Variants in GATA3 observed in about 807,000 individuals in gnomAD.
GATA3 encodes the protein trans-acting T-cell-specific transcription factor GATA-3.
In GATA3, 6 loss-of-function variants were observed where a neutral mutation model predicts 36.0. The observed-to-expected ratio is 0.17, with a 90% CI of 0.09 to 0.33. The LOEUF (loss-of-function observed/expected upper bound fraction) is 0.33, where lower values mean the gene tolerates loss of function less well. GATA3 is among the 10% of genes least tolerant of loss of function. The pLI is 1.00. For missense variants in GATA3, 514 were observed against 610.1 expected, an observed-to-expected ratio of 0.84 and a Z score of 1.66; for synonymous variants, 326 against 273.0, an observed-to-expected ratio of 1.19 and a Z score of -1.92.
At chr10:8,046,163 G>C (rs1832384469) in intron 1 of GATA3, among the ~76,000 whole-genome samples, 1 of 152,212 alleles carries the variant, frequency 6.6e-6, no homozygotes, top group South Asian at 2.1e-4. Context: ...GAGAGGACAA[G>C]ATTTGGACTT....
intron 3 of GATA3, among the ~76,000 whole-genome samples, chr10:8,060,570 A>G (rs1832731186): frequency 6.6e-6 from 1 of 150,454 alleles, no homozygotes; most frequent in South Asian, 2.1e-4. Context: ...TGGTAAGGCT[A>G]TGAGGTTGGG....
At chr10:8,070,334 G>T (rs920680721) in intron 5 of GATA3, among the ~76,000 whole-genome samples, 6 of 151,418 alleles carry the variant, frequency 4.0e-5, no homozygotes, top group African/African-American at 1.5e-4. Flanking sequence ...TTCCATTTGG[G>T]GTCCTCTCAT....
chr10:8,056,005 C>A (rs1204561072), intron 2 of GATA3, 109 bp downstream of exon 2: 35 of 1,408,342 alleles, frequency 2.5e-5, no homozygotes, highest in Non-Finnish European at 3.2e-5. Context: ...AAGCCCCCAT[C>A]TGCCGTTCCT....
intron 3 of GATA3, among the ~76,000 whole-genome samples, chr10:8,062,574 T>C (rs1011835802): frequency 2.0e-5 from 3 of 152,188 alleles, no homozygotes; most frequent in African/African-American, 2.4e-5. Context: ...GTCCCATATC[T>C]GCCAAGGCAG....
intron 4 of GATA3, among the ~76,000 whole-genome samples, chr10:8,065,881 AAAGGCT>A (rs1832831134): frequency 6.7e-6 from 1 of 149,324 alleles, no homozygotes; most frequent in Admixed American, 6.7e-5. Flanking sequence ...AAAAAAAAAA[AAAGGCT>A]AGAGGTGTTA....
At chr10:8,058,986 G>A in intron 3 of GATA3, 145 bp downstream of exon 3, 2 of 759,210 alleles carry the variant, frequency 2.6e-6, no homozygotes, top group Non-Finnish European at 4.2e-6. Flanking sequence ...TTCCTGCCGG[G>A]AAGGCACTGC....
chr10:8,069,580 C>T lies in GATA3; in HGVS notation c.1032C>T (p.Leu344=), dbSNP rs104886017. 5.0e-6 allele frequency: 8 copies of T among 1,614,018 alleles called. No homozygotes were observed. The highest frequency in any genetic ancestry group is 1.3e-5 in the African/African-American group (1 of 74,916). The change falls in exon 5 of 6, where the codon CTC becomes CTT. Residue 344 remains leucine, a synonymous_variant. Transcript: ENST00000379328. ...ACCCTGTCTGCAATGCCTGTGGGCT[C>T]TACTACAAGCTTCACAATGTAAGTG... ...NGDPVCNACG[L]YYKLHNINRP...
rs759751638 is a variant in GATA3 at position 8,073,883 on chromosome 10, A to G, written c.1195A>G (p.Arg399Gly). 1 of 1,614,088 alleles carries G rather than the reference A, an allele frequency of 6.2e-7. No homozygotes were observed. Among genetic ancestry groups the G allele is most frequent in the South Asian group, 1.1e-5 (1 of 91,080 alleles). ...NSSFNPAALS[R>G]HMSSLSHISP... is the part of the protein sequence containing the mutation. ...CTCGTTTAACCCGGCCGCCCTCTCC[A>G]GACACATGTCCTCCCTGAGCCACAT... The change falls in exon 6 of 6, where the codon AGA (arginine) becomes GGA (glycine). Residue 399 changes from arginine to glycine, a missense_variant. Coordinates refer to ENST00000379328, the MANE Select transcript of GATA3 (RefSeq NM_001002295.2).
At position 8,055,526 on chromosome 10, in the gene GATA3, C is replaced by A; in HGVS notation, c.-130C>A. 3 of 1,058,952 alleles carry A rather than the reference C, an allele frequency of 2.8e-6. No individual in the cohort carries two copies. In the South Asian group the frequency reaches 4.7e-5, roughly 16 times the overall value. 65.6% of individuals were successfully genotyped at this position (1,058,952 alleles called of 1,614,324 possible). On this transcript the variant is annotated 5_prime_UTR_variant, in exon 2 of 6. Coordinates refer to ENST00000379328, the MANE Select transcript of GATA3 (RefSeq NM_001002295.2). This position sits in a 1 kb window ranked among gnomAD's most constrained non-coding sequence, Gnocchi z 5.4. ...GCTTCCCAGCCTTCCCATCCCCCCA[C>A]CGAAAGCAAATCATTCAACGACCCC...
upstream of GATA3, chr10:8,052,897 C>CGGGT (rs1832534574): frequency 1.7e-5 from 1 of 57,282 alleles, no homozygotes; most frequent in Admixed American, 1.5e-4. Flanking sequence ...AGAAACGTGG[C>CGGGT]GGGGGGGGGG....
intron 5 of GATA3, among the ~76,000 whole-genome samples, chr10:8,071,198 A>G (rs1392465954): frequency 6.6e-6 from 1 of 152,256 alleles, no homozygotes; most frequent in Non-Finnish European, 1.5e-5. Context: ...GTTATGACTC[A>G]GAAAAGCAAG....
rs2228254 is a variant in GATA3 at position 8,058,669 on chromosome 10, T to C, written c.606T>C (p.Arg202=). The C allele has an allele frequency of 6.4e-3, 10,353 of 1,613,222 alleles. 603 individuals carry two copies. In the African/African-American group the frequency reaches 0.12, roughly 19 times the overall value. The change falls in exon 3 of 6, where the codon CGT becomes CGC. Residue 202 remains arginine, a synonymous_variant. Transcript: ENST00000379328. ...TGAAGCTGGAGTCGTCCCACTCCCGTGGCAGCATGACCGCCCTGGGTGGAG... is the reference window on the plus strand; with the variant it reads ...TGAAGCTGGAGTCGTCCCACTCCCGCGGCAGCATGACCGCCCTGGGTGGAG... ...DSMKLESSHS[R]GSMTALGGAS...
chr10:8,050,183 C>G (rs1159495608), upstream of GATA3, among the ~76,000 whole-genome samples: 1 of 152,266 alleles, frequency 6.6e-6, no homozygotes, highest in Non-Finnish European at 1.5e-5. Flanking sequence ...CAGAGCGCCC[C>G]GGTGCGTACT....
At chr10:8,046,228 C>T (rs765820324) in intron 1 of GATA3, among the ~76,000 whole-genome samples, 9 of 152,204 alleles carry the variant, frequency 5.9e-5, no homozygotes, top group Non-Finnish European at 1.2e-4. Flanking sequence ...GAGGCAGTTC[C>T]CCCCTGAAGA....
At chr10:8,061,452 C>T (rs373628092) in intron 3 of GATA3, among the ~76,000 whole-genome samples, 12 of 152,142 alleles carry the variant, frequency 7.9e-5, no homozygotes, top group African/African-American at 1.9e-4. Context: ...GAGGCCTCGC[C>T]GCTCTGTGGT....
At chr10:8,063,419 C>G (rs1014022494) in intron 3 of GATA3, among the ~76,000 whole-genome samples, 2 of 152,192 alleles carry the variant, frequency 1.3e-5, no homozygotes, top group Non-Finnish European at 2.9e-5. Context: ...AAATCTAAAA[C>G]CCTAGCTAGT....
At chr10:8,046,691 G>GTGTGTGTGTGTGTGTGTGTC (rs58533845) in intron 1 of GATA3, among the ~76,000 whole-genome samples, 15 of 145,108 alleles carry the variant, frequency 1.0e-4, no homozygotes, top group African/African-American at 3.4e-4. Flanking sequence ...GTGTGTGTGT[G>GTGTGTGTGTGTGTGTGTGTC]TCAGGGGCTT....
upstream of GATA3, chr10:8,051,399 C>T (rs1270455381): frequency 2.2e-5 from 5 of 226,554 alleles, no homozygotes; most frequent in Non-Finnish European, 2.8e-5. Context: ...GCCGCGCCGT[C>T]GCCTGCTCGG....
At chr10:8,073,136 C>G (rs941352873) in intron 5 of GATA3, among the ~76,000 whole-genome samples, 3 of 95,744 alleles carry the variant, frequency 3.1e-5, no homozygotes, top group Admixed American at 3.4e-4. Flanking sequence ...CAGCGGGAGA[C>G]TTCGTCTCAA....
Sources: gnomAD v4.1 joint callset for allele counts (sites outside exome capture counted in the v4.1 genomes callset) on GRCh38, gnomAD v4.1.1 for gene constraint, Gnocchi (gnomAD v3.1) non-coding constraint, MANE v1.5 for transcripts, NCBI Gene and HGNC (gene_info 2026-07-23, HGNC 2026-07-21) for gene names.